Variants in SLC14A2 observed in about 807,000 individuals in gnomAD.
The protein encoded by SLC14A2 is urea transporter 2.
A neutral mutation model predicts 104.6 loss-of-function variants in SLC14A2; 91 were observed. The ratio of observed to expected loss-of-function variants is 0.87; its 90% CI spans 0.73 to 1.04. The LOEUF is 1.04. SLC14A2 is among the 50% of genes least tolerant of loss of function. The probability of loss-of-function intolerance (pLI) is 0.00; values close to 1 mark genes in which losing one functional copy is unlikely to be tolerated. For missense variants in SLC14A2, 1,189 were observed against 1,156.0 expected (o/e 1.03, Z -0.41); for synonymous variants, 476 against 466.4 (o/e 1.02, Z -0.27).
chr18:45,551,387 T>C (rs1267016433), intron 2 of SLC14A2, among the ~76,000 whole-genome samples: 1 of 152,238 alleles, frequency 6.6e-6, no homozygotes, highest in African/African-American at 2.4e-5. Context: ...TGCAGTGTGA[T>C]GCTCAAAGCG....
chr18:45,237,578 C>G (rs1026382166), intron 1 of SLC14A2, among the ~76,000 whole-genome samples: 2 of 152,200 alleles, frequency 1.3e-5, no homozygotes, highest in Non-Finnish European at 2.9e-5. Flanking sequence ...AATCGTAAAT[C>G]CTCCTGAGCC....
the SLC14A2 span, among the ~76,000 whole-genome samples, chr18:45,176,344 AG>A: frequency 1.3e-5 from 2 of 152,308 alleles, no homozygotes; most frequent in South Asian, 4.1e-4. Context: ...GAAACAGAAG[AG>A]GGATTTGAAC....
At chr18:45,256,205 ACT>A (rs1004838590) in intron 1 of SLC14A2, among the ~76,000 whole-genome samples, 3 of 151,864 alleles carry the variant, frequency 2.0e-5, no homozygotes, top group Non-Finnish European at 4.4e-5. Context: ...AGAGGAGAAA[ACT>A]CTTACTGAAG....
rs567656212 is a variant in SLC14A2 at position 45,393,522 on chromosome 18, T to C, written c.-124-89711T>C. On this transcript the variant is annotated intron_variant, in intron 1 of 20. Coordinates refer to the SLC14A2 transcript ENST00000586448. ...AAGGATTGTGACCATAAATTATCCC[T>C]GTGCATCATGGAAACCCAAAGCCTG... Among the ~76,000 whole-genome samples, 12 of 152,308 alleles carry C rather than the reference T, an allele frequency of 7.9e-5. No individual in the cohort carries two copies. The South Asian group carries it at 1.7e-3, about 21-fold the overall frequency.
intron 1 of SLC14A2, among the ~76,000 whole-genome samples, chr18:45,376,613 A>G (rs954425012): frequency 2.0e-5 from 3 of 152,196 alleles, no homozygotes; most frequent in Admixed American, 1.3e-4. Flanking sequence ...TGTTGATGCG[A>G]CAACGGATCA....
intron 2 of SLC14A2, among the ~76,000 whole-genome samples, chr18:45,514,816 T>G (rs1337848078): frequency 6.6e-6 from 1 of 152,250 alleles, no homozygotes; most frequent in East Asian, 1.9e-4. Flanking sequence ...AACTCACTTT[T>G]GCTTATACTG....
At chr18:45,238,565 T>C (rs2084279567) in intron 1 of SLC14A2, among the ~76,000 whole-genome samples, 1 of 146,792 alleles carries the variant, frequency 6.8e-6, no homozygotes, top group Non-Finnish European at 1.5e-5. Flanking sequence ...TAACATTTAA[T>C]GGGGAAAAAA....
chr18:45,587,616 T>C (rs16978418), intron 2 of SLC14A2, among the ~76,000 whole-genome samples: 2,556 of 152,002 alleles, frequency 0.017, 72 homozygotes, highest in African/African-American at 0.057. Context: ...AAGGCACGAG[T>C]TGGCATCAAA....
intron 2 of SLC14A2, among the ~76,000 whole-genome samples, chr18:45,501,865 G>A (rs748732802): frequency 8.5e-5 from 13 of 152,330 alleles, no homozygotes; most frequent in Non-Finnish European, 1.9e-4. Flanking sequence ...ACAAGTCTTG[G>A]CTAGAGCAAG....
rs568702778 is a variant in SLC14A2 at position 45,636,241 on chromosome 18, G to A, written c.651-749G>A. Among the ~76,000 whole-genome samples, 9 of 152,332 alleles carry A rather than the reference G, an allele frequency of 5.9e-5. 1 individual carries two copies. The highest frequency in any genetic ancestry group is 2.2e-4 in the African/African-American group (9 of 41,584). On this transcript the variant is annotated intron_variant, in intron 5 of 19. Transcript: ENST00000255226. ...AACACATCATGCAACTTCAGGTTTT[G>A]CCCAGCAGGTCACTGAGTGTGGATG...
intron 1 of SLC14A2, among the ~76,000 whole-genome samples, chr18:45,443,365 A>G (rs1281829304): frequency 6.6e-6 from 1 of 152,226 alleles, no homozygotes; most frequent in African/African-American, 2.4e-5. Flanking sequence ...ACAACTGGAC[A>G]AAAAAAGGCA....
the SLC14A2 span, among the ~76,000 whole-genome samples, chr18:45,184,570 T>G: frequency 6.6e-6 from 1 of 152,202 alleles, no homozygotes; most frequent in African/African-American, 2.4e-5. Context: ...CATGTTAATT[T>G]AAAACACTGA....
intron 1 of SLC14A2, among the ~76,000 whole-genome samples, chr18:45,459,797 C>A (rs562094911): frequency 9.2e-5 from 14 of 152,286 alleles, no homozygotes; most frequent in Admixed American, 8.5e-4. Flanking sequence ...AGGGTAGCAT[C>A]CCCATTTATA....
intron 1 of SLC14A2, among the ~76,000 whole-genome samples, chr18:45,239,343 G>T (rs988956466): frequency 1.3e-5 from 2 of 152,230 alleles, no homozygotes; most frequent in African/African-American, 2.4e-5. Context: ...GAAGATTTTG[G>T]TAGCTTTGTT....
intron 1 of SLC14A2, among the ~76,000 whole-genome samples, chr18:45,338,695 A>C (rs1039156657): frequency 8.6e-6 from 1 of 116,542 alleles, no homozygotes; most frequent in East Asian, 2.5e-4. Context: ...AAAAAAAAAA[A>C]AAAAAAAAAA....
chr18:45,524,805 G>C (rs2043569170), intron 2 of SLC14A2, among the ~76,000 whole-genome samples: 1 of 152,116 alleles, frequency 6.6e-6, no homozygotes, highest in Non-Finnish European at 1.5e-5. Context: ...TGAAAAATAA[G>C]ATAGAGGCAC....
Position 45,669,611 on chromosome 18 carries a change from G to A in SLC14A2, c.2229+113G>A. On this transcript the variant is annotated intron_variant, in intron 16 of 19. Coordinates refer to ENST00000255226, the MANE Select transcript of SLC14A2 (RefSeq NM_007163.4). The stretch of plus-strand genomic sequence containing the variant: ...AGTAATAATTTTTAACAATTACACA[G>A]TACCAAGCATTCTACATATATATCT... The A allele has an allele frequency of 3.6e-6, 3 of 843,618 alleles. No homozygotes were observed. The Admixed American group carries it at 7.8e-5, about 22-fold the overall frequency. The allele number at this position is 843,618 out of a possible 1,614,324, so 52.3% of individuals were successfully genotyped here.
chr18:45,545,471 T>C lies in SLC14A2; in HGVS notation c.-35+62149T>C, dbSNP rs115997678. On this transcript the variant is annotated intron_variant, in intron 2 of 20. Transcript: ENST00000586448. The stretch of plus-strand genomic sequence containing the variant: ...GAAATAGTTCTTGTCCTCATATGTC[T>C]ATCAAAATAGAAGAGAACATATGTC... Among the ~76,000 whole-genome samples the C allele has an allele frequency of 6.3e-3, 963 of 152,314 alleles. 11 individuals carry two copies. The highest frequency in any genetic ancestry group is 0.022 in the African/African-American group (916 of 41,568).
intron 2 of SLC14A2, among the ~76,000 whole-genome samples, chr18:45,535,164 T>A (rs987669162): frequency 6.6e-6 from 1 of 152,170 alleles, no homozygotes; most frequent in Admixed American, 6.5e-5. Flanking sequence ...CTTTTTCTAG[T>A]CAGTCGCGTC....
Sources: allele counts gnomAD v4.1 joint callset (sites outside exome capture counted in the v4.1 genomes callset), GRCh38; gene constraint gnomAD v4.1.1; transcripts MANE v1.5; gene names NCBI Gene and HGNC (gene_info 2026-07-23, HGNC 2026-07-21).